Variants in CAMTA1 observed in about 807,000 individuals in gnomAD.
CAMTA1 encodes the protein calmodulin binding transcription activator 1.
Under a neutral mutation model 170.9 loss-of-function variants are expected in CAMTA1, and 27 were observed. The ratio of observed to expected loss-of-function variants is 0.16; its 90% CI spans 0.12 to 0.22. The LOEUF is 0.22. Ranked by LOEUF, CAMTA1 falls within the 10% of genes least tolerant of loss-of-function variation. CAMTA1 has a pLI of 1.00. For synonymous variants in CAMTA1, 833 were observed against 891.5 expected, an observed-to-expected ratio of 0.93 and a Z score of 1.17; for missense variants, 1,619 against 2,217.2, an observed-to-expected ratio of 0.73 and a Z score of 5.42.
intron 3 of CAMTA1, among the ~76,000 whole-genome samples, chr1:6,850,424 C>T (rs779399633): frequency 6.6e-6 from 1 of 152,116 alleles, no homozygotes; most frequent in Admixed American, 6.5e-5. Context: ...TCTTTATCTT[C>T]CATCCTTCCA....
chr1:7,241,458 A>G (rs1664843388), intron 4 of CAMTA1, among the ~76,000 whole-genome samples: 1 of 152,240 alleles, frequency 6.6e-6, no homozygotes, highest in Admixed American at 6.5e-5. Flanking sequence ...ACCCTAAAAT[A>G]TATATGGAAA....
At chr1:7,156,730 C>T (rs186153371) in intron 4 of CAMTA1, among the ~76,000 whole-genome samples, 22 of 152,258 alleles carry the variant, frequency 1.4e-4, no homozygotes, top group East Asian at 5.8e-4. Flanking sequence ...GTTTTGGGGA[C>T]GACATTTAAT....
chr1:7,378,866 C>T (rs1279888815), intron 5 of CAMTA1, among the ~76,000 whole-genome samples: 1 of 152,080 alleles, frequency 6.6e-6, no homozygotes, highest in Non-Finnish European at 1.5e-5. Flanking sequence ...AAGTGGGGAC[C>T]CAGGGGCCAG....
chr1:7,617,973 T>C (rs970953283), intron 6 of CAMTA1, among the ~76,000 whole-genome samples: 11 of 152,266 alleles, frequency 7.2e-5, no homozygotes, highest in Admixed American at 4.6e-4. Context: ...CTTAGCATGC[T>C]CTGGACAAGA....
At chr1:6,809,301 A>G (rs1644898605) in intron 1 of CAMTA1, among the ~76,000 whole-genome samples, 1 of 152,140 alleles carries the variant, frequency 6.6e-6, no homozygotes, top group Admixed American at 6.5e-5. Flanking sequence ...TGCTAGGATT[A>G]CAGACGTGAG....
intron 5 of CAMTA1, among the ~76,000 whole-genome samples, chr1:7,447,643 AC>A (rs2092713499): frequency 6.6e-6 from 1 of 152,070 alleles, no homozygotes; most frequent in South Asian, 2.1e-4. Flanking sequence ...AACGGCAGGG[AC>A]TCAGAGCAGC....
chr1:7,503,482 C>T (rs1383575197), intron 6 of CAMTA1, among the ~76,000 whole-genome samples: 1 of 152,198 alleles, frequency 6.6e-6, no homozygotes, highest in African/African-American at 2.4e-5. Context: ...CTGGCCCTGG[C>T]TGGCCACCTT....
intron 3 of CAMTA1, among the ~76,000 whole-genome samples, chr1:6,954,178 TG>T (rs1689038224): frequency 6.6e-6 from 1 of 152,222 alleles, no homozygotes; most frequent in African/African-American, 2.4e-5. Flanking sequence ...TCCCACATCA[TG>T]GCTTTCTAAA....
rs978415094 is a variant in CAMTA1, at chr1:7,493,243, GCACA to G, written c.510+25347_510+25350del. Among the ~76,000 whole-genome samples the G allele has an allele frequency of 6.5e-5, 8 of 122,552 alleles. No individual in the cohort carries two copies. In the East Asian group the frequency reaches 1.7e-3, roughly 27 times the overall value. The allele number at this position is 122,552 out of a possible 152,430, so 80.4% of individuals were successfully genotyped here. A position where few individuals can be genotyped will look rare whatever the true frequency, so the allele number is the denominator to read the frequency against. ...CACGCACACACAAACGTACAATCAC[GCACA>G]CACAAACCTACGTACACACGCACAC... is the stretch of plus-strand genomic sequence containing the variant. On this transcript the variant is annotated intron_variant, in intron 6 of 22. Coordinates refer to ENST00000303635, the MANE Select transcript of CAMTA1 (RefSeq NM_015215.4).
chr1:7,379,102 C>A (rs2087076076), intron 5 of CAMTA1, among the ~76,000 whole-genome samples: 1 of 152,200 alleles, frequency 6.6e-6, no homozygotes, highest in Admixed American at 6.5e-5. Flanking sequence ...AATTTGCCTG[C>A]AGGTCTGGCA....
rs1553247059 is a variant in CAMTA1, at chr1:7,680,861, C to CCAA, written c.2914+3130_2914+3131insACA. Among the ~76,000 whole-genome samples, 1 of 136,510 alleles carries CCAA rather than the reference C, an allele frequency of 7.3e-6. No individual in the cohort carries two copies. Among genetic ancestry groups the CCAA allele is most frequent in the Admixed American group, 7.1e-5 (1 of 14,054 alleles). The allele number at this position is 136,510 out of a possible 152,430, so 89.6% of individuals were successfully genotyped here. A position where few individuals can be genotyped will look rare whatever the true frequency, so the allele number is the denominator to read the frequency against. ...GAGAACACGCGCGCGCGCGCGCGCG[C>CCAA]CAGCAGCAGCAGCAGCAGCAGCTGC... On this transcript the variant is annotated intron_variant, in intron 11 of 22. Transcript: ENST00000303635. This position sits in a 1 kb window ranked among gnomAD's most constrained non-coding sequence, Gnocchi z 4.4.
At chr1:7,110,602 G>A (rs778072514) in intron 4 of CAMTA1, among the ~76,000 whole-genome samples, 10 of 152,182 alleles carry the variant, frequency 6.6e-5, no homozygotes, top group Non-Finnish European at 1.2e-4. Context: ...GGAGGACAGC[G>A]TCATCTTTAC....
intron 5 of CAMTA1, among the ~76,000 whole-genome samples, chr1:7,460,223 C>A (rs35300440): frequency 0.3 from 45,920 of 152,236 alleles, 7,392 homozygotes; most frequent in African/African-American, 0.37. Context: ...GCTTTGCATC[C>A]CTTTTGTCCA....
At chr1:7,236,683 G>A (rs1283972062) in intron 4 of CAMTA1, among the ~76,000 whole-genome samples, 1 of 152,176 alleles carries the variant, frequency 6.6e-6, no homozygotes, top group African/African-American at 2.4e-5. Flanking sequence ...GGGTGTAAAG[G>A]GCCCTCCCCG....
At chr1:6,926,263 G>A (rs1244458453) in intron 3 of CAMTA1, among the ~76,000 whole-genome samples, 2 of 151,852 alleles carry the variant, frequency 1.3e-5, no homozygotes, top group South Asian at 4.2e-4. Flanking sequence ...CTTGCATCTT[G>A]TACTCCAAGT....
intron 3 of CAMTA1, among the ~76,000 whole-genome samples, chr1:7,053,873 T>C (rs1706869510): frequency 6.6e-6 from 1 of 152,260 alleles, no homozygotes; most frequent in Admixed American, 6.5e-5. Context: ...GCGTGGAATC[T>C]GGAGTCTTCC....
At chr1:7,153,310 T>A (rs905622306) in intron 4 of CAMTA1, among the ~76,000 whole-genome samples, 3 of 152,172 alleles carry the variant, frequency 2.0e-5, no homozygotes, top group Non-Finnish European at 4.4e-5. Flanking sequence ...TGATCTTTTG[T>A]CATTTGGTAT....
intron 1 of CAMTA1, among the ~76,000 whole-genome samples, chr1:6,789,856 G>A (rs897810513): frequency 2.2e-5 from 3 of 138,926 alleles, no homozygotes; most frequent in Non-Finnish European, 1.5e-5. Context: ...TATTGCCCAG[G>A]CTGGAGTGCA....
rs11120880 is a variant in CAMTA1, at chr1:7,224,701, T to C, written c.303-24790T>C. Among the ~76,000 whole-genome samples the C allele has an allele frequency of 0.053, 8,049 of 152,010 alleles. 660 individuals carry two copies. The highest frequency in any genetic ancestry group is 0.17 in the African/African-American group (7,035 of 41,446). On this transcript the variant is annotated intron_variant, in intron 4 of 22. Coordinates refer to ENST00000303635, the MANE Select transcript of CAMTA1 (RefSeq NM_015215.4). This position sits in a 1 kb window ranked among gnomAD's most constrained non-coding sequence, Gnocchi z 5.2. The stretch of plus-strand genomic sequence containing the variant: ...GATTGCTAAGGGCAAGGCTCTAGGG[T>C]TAGTGGGGACCTGATGAAAGCCCAC...
Sources: gnomAD v4.1 joint callset for allele counts (sites outside exome capture counted in the v4.1 genomes callset) on GRCh38, gnomAD v4.1.1 for gene constraint, Gnocchi (gnomAD v3.1) non-coding constraint, MANE v1.5 for transcripts, NCBI Gene and HGNC (gene_info 2026-07-23, HGNC 2026-07-21) for gene names.